The following DOCK1 variants were observed in gnomAD, a reference collection of about 807,000 sequenced individuals.
DOCK1 encodes the protein dedicator of cytokinesis protein 1.
DOCK1 carries 138 observed loss-of-function variants against 262.7 expected under a neutral mutation model. That is an observed-to-expected ratio of 0.53 (90% CI 0.46 to 0.61). The LOEUF (loss-of-function observed/expected upper bound fraction) is 0.61. DOCK1 is among the 20% of genes least tolerant of loss of function. The probability of loss-of-function intolerance (pLI) is 0.00; values close to 1 mark genes in which losing one functional copy is unlikely to be tolerated. For missense variants in DOCK1, 1,908 were observed against 2,370.7 expected (o/e 0.80, Z 4.05); for synonymous variants, 866 against 867.4 (o/e 1.00, Z 0.03).
intron 2 of DOCK1, among the ~76,000 whole-genome samples, 174 bp downstream of exon 2, chr10:126,970,959 CTGT>C (rs1276647548): frequency 6.6e-6 from 1 of 152,040 alleles, no homozygotes; most frequent in East Asian, 1.9e-4. Flanking sequence ...AGTAGTGAGG[CTGT>C]TGTTTAATAC....
chr10:127,139,915 G>T (rs2051061926), intron 27 of DOCK1, among the ~76,000 whole-genome samples: 1 of 152,112 alleles, frequency 6.6e-6, no homozygotes, highest in African/African-American at 2.4e-5. Flanking sequence ...ATGGAAACAA[G>T]AGCTAAGTAA....
chr10:127,214,646 C>T (rs1169313269), intron 27 of DOCK1, among the ~76,000 whole-genome samples: 1 of 152,186 alleles, frequency 6.6e-6, no homozygotes, highest in Non-Finnish European at 1.5e-5. Context: ...TTAGATCCTG[C>T]ATTTAGCGAT....
At chr10:127,092,762 C>T (rs943670047) in intron 23 of DOCK1, among the ~76,000 whole-genome samples, 4 of 152,148 alleles carry the variant, frequency 2.6e-5, no homozygotes, top group Non-Finnish European at 4.4e-5. Context: ...GGATTACAGG[C>T]GTGAGCCACC....
rs71032536 is a variant in DOCK1, at chr10:127,075,169, C to CAAAAAA, written c.2445+13418_2445+13423dup. On this transcript the variant is annotated intron_variant, in intron 23 of 51. Transcript: ENST00000623213. Reference sequence around the variant, plus strand: ...GGGCAACAAGAGCGAAACTCTGTCTCAAAAAAAAAAAAAAAAAAAAAAAAA... The same window carrying CAAAAAA: ...GGGCAACAAGAGCGAAACTCTGTCTCAAAAAAAAAAAAAAAAAAAAAAAAAAAAAAA... Among the ~76,000 whole-genome samples the CAAAAAA allele has an allele frequency of 3.5e-3, 228 of 64,318 alleles. 17 individuals carry two copies. The highest frequency in any genetic ancestry group is 0.015 in the African/African-American group (213 of 14,214). 42.2% of individuals were successfully genotyped at this position (64,318 alleles called of 152,430 possible). A position where few individuals can be genotyped will look rare whatever the true frequency, so the allele number is the denominator to read the frequency against.
At chr10:127,393,609 G>A (rs957871612) in intron 38 of DOCK1, among the ~76,000 whole-genome samples, 3 of 152,050 alleles carry the variant, frequency 2.0e-5, no homozygotes, top group African/African-American at 4.8e-5. Flanking sequence ...GACGGGAATC[G>A]GGTGATATTA....
chr10:127,018,242 G>A (rs2042160127), intron 12 of DOCK1, among the ~76,000 whole-genome samples: 1 of 152,204 alleles, frequency 6.6e-6, no homozygotes, highest in Admixed American at 6.5e-5. Flanking sequence ...CAGGTTGTGT[G>A]ATGCTGCTTA....
chr10:127,324,456 C>T (rs886066418), intron 29 of DOCK1, among the ~76,000 whole-genome samples: 1 of 152,174 alleles, frequency 6.6e-6, no homozygotes, highest in Non-Finnish European at 1.5e-5. Context: ...ACTGGGGCTT[C>T]TGGGCAGGAC....
chr10:127,080,246 T>C (rs2136003290), intron 23 of DOCK1, among the ~76,000 whole-genome samples: 1 of 152,274 alleles, frequency 6.6e-6, no homozygotes, highest in Non-Finnish European at 1.5e-5. Context: ...AGTTTAGAAC[T>C]GATGGACTCC....
chr10:127,174,035 AG>A (rs898240327), intron 27 of DOCK1, among the ~76,000 whole-genome samples: 57 of 152,338 alleles, frequency 3.7e-4, no homozygotes, highest in African/African-American at 1.3e-3. Context: ...CTCCACCTTA[AG>A]GCAGGAGGTG....
At chr10:126,980,036 GT>G (rs1565026352) in intron 3 of DOCK1, among the ~76,000 whole-genome samples, 2 of 152,102 alleles carry the variant, frequency 1.3e-5, no homozygotes. Context: ...ACTGGGACTG[GT>G]TTTTTGTTTT....
At chr10:127,440,336 A>G (rs1300802674) in intron 49 of DOCK1, among the ~76,000 whole-genome samples, 1 of 152,094 alleles carries the variant, frequency 6.6e-6, no homozygotes, top group Non-Finnish European at 1.5e-5. Flanking sequence ...ACATTTCAAC[A>G]TGAGAGTTGG....
intron 27 of DOCK1, among the ~76,000 whole-genome samples, chr10:127,142,128 C>T (rs1419858230): frequency 6.6e-6 from 1 of 152,194 alleles, no homozygotes; most frequent in Non-Finnish European, 1.5e-5. Flanking sequence ...GGAGGTCTAG[C>T]TGGATGTTTT....
intron 48 of DOCK1, among the ~76,000 whole-genome samples, chr10:127,433,681 C>T (rs930556311): frequency 1.3e-5 from 2 of 152,072 alleles, no homozygotes; most frequent in African/African-American, 2.4e-5. Context: ...AATTTAGAAC[C>T]TCCAGTGAGT....
chr10:127,091,377 T>C (rs974618135), intron 23 of DOCK1, among the ~76,000 whole-genome samples: 1 of 152,226 alleles, frequency 6.6e-6, no homozygotes, highest in Non-Finnish European at 1.5e-5. Flanking sequence ...ATATTCGTTT[T>C]ATTGCTCTAT....
intron 27 of DOCK1, among the ~76,000 whole-genome samples, chr10:127,143,337 A>T (rs1029394165): frequency 4.6e-5 from 7 of 152,192 alleles, no homozygotes; most frequent in African/African-American, 1.7e-4. Flanking sequence ...AGCAGGTCAG[A>T]GGCCTCTGCC....
In DOCK1 at chr10:127,176,862, G is replaced by C. The variant is rs1002684785; in HGVS notation, c.2847+49098G>C. On this transcript the variant is annotated intron_variant, in intron 27 of 51. Transcript: ENST00000623213. This position sits in a 1 kb window ranked among gnomAD's most constrained non-coding sequence, Gnocchi z 4.4. ...ATTGCTGGAATCTGGGAGAGCTGCT[G>C]TTTTAAAGACTTACTGGAGCTGCCA... The C allele has an allele frequency of 6.4e-6, 1 of 155,438 alleles. No individual in the cohort carries two copies. Among genetic ancestry groups the C allele is most frequent in the Non-Finnish European group, 1.4e-5 (1 of 70,246 alleles). The allele number at this position is 155,438 out of a possible 1,614,324, so 9.6% of individuals were successfully genotyped here.
At chr10:127,326,083 A>G (rs1255271674) in intron 29 of DOCK1, among the ~76,000 whole-genome samples, 1 of 152,216 alleles carries the variant, frequency 6.6e-6, no homozygotes, top group African/African-American at 2.4e-5. Context: ...GGCTTCAGCA[A>G]ATCTAAATCT....
In DOCK1 at chr10:127,202,255, G is replaced by A. The variant is rs536097132; in HGVS notation, c.2848-45753G>A. Among the ~76,000 whole-genome samples, 1,008 of 152,052 alleles carry A rather than the reference G, an allele frequency of 6.6e-3. 5 individuals carry two copies. Among genetic ancestry groups the A allele is most frequent in the Non-Finnish European group, 0.011 (740 of 67,960 alleles). Reference sequence around the variant, plus strand: ...GTAGAATCACTTGAACCTGGGAGGTGAAGGTTGCAGTGAGCCAAGATCGCG... The same window carrying A: ...GTAGAATCACTTGAACCTGGGAGGTAAAGGTTGCAGTGAGCCAAGATCGCG... On this transcript the variant is annotated intron_variant, in intron 27 of 51. Coordinates refer to ENST00000623213, the MANE Select transcript of DOCK1 (RefSeq NM_001290223.2).
Position 127,176,477 on chromosome 10 carries a change from C to T in DOCK1, c.2847+48713C>T. ...AAGCACCGGCCGCACAAACTTTTAG[C>T]CACCACGACGACTGCCTGTTTCCTA... On this transcript the variant is annotated intron_variant, in intron 27 of 51. Coordinates refer to ENST00000623213, the MANE Select transcript of DOCK1 (RefSeq NM_001290223.2). The surrounding 1 kb of genome is among the most constrained non-coding windows in gnomAD (Gnocchi z 4.4). 2.4e-6 allele frequency: 3 copies of T among 1,233,112 alleles called. No homozygotes were observed. Among genetic ancestry groups the T allele is most frequent in the Non-Finnish European group, 3.4e-6 (3 of 886,846 alleles). 76.4% of individuals were successfully genotyped at this position (1,233,112 alleles called of 1,614,324 possible).
Sources: gnomAD v4.1 joint callset for allele counts (sites outside exome capture counted in the v4.1 genomes callset) on GRCh38, gnomAD v4.1.1 for gene constraint, Gnocchi (gnomAD v3.1) non-coding constraint, MANE v1.5 for transcripts, NCBI Gene and HGNC (gene_info 2026-07-23, HGNC 2026-07-21) for gene names.